The following DRC8 variants were observed in gnomAD, a reference collection of about 807,000 sequenced individuals.
DRC8 encodes dynein regulatory complex subunit 8.
At chr1:245,076,964 A>T in the DRC8 span, among the ~76,000 whole-genome samples, 15 of 152,160 alleles carry the variant, frequency 9.9e-5, no homozygotes, top group African/African-American at 3.6e-4. Context: ...TGACCTCGTG[A>T]TCCGCCCACC....
the DRC8 span, among the ~76,000 whole-genome samples, chr1:245,069,241 T>G: frequency 9.2e-5 from 14 of 152,268 alleles, no homozygotes; most frequent in African/African-American, 3.1e-4. Flanking sequence ...TTAACAAAGA[T>G]TTTGTATGTT....
the DRC8 span, among the ~76,000 whole-genome samples, chr1:245,016,347 AC>A: frequency 2.6e-5 from 4 of 152,044 alleles, no homozygotes; most frequent in African/African-American, 9.7e-5. Flanking sequence ...TTCTGCACTT[AC>A]TGTTCTCTCT....
chr1:245,090,832 G>A, the DRC8 span, among the ~76,000 whole-genome samples: 4 of 152,014 alleles, frequency 2.6e-5, no homozygotes, highest in African/African-American at 2.4e-5. Context: ...ATTATTAATA[G>A]GTCTCCTTTG....
the DRC8 span, among the ~76,000 whole-genome samples, chr1:245,058,722 A>C: frequency 6.6e-6 from 1 of 152,250 alleles, no homozygotes; most frequent in Non-Finnish European, 1.5e-5. Context: ...TATTTGTGGA[A>C]TTGAACTACG....
chr1:245,020,983 A>G, the DRC8 span, among the ~76,000 whole-genome samples: 1 of 152,022 alleles, frequency 6.6e-6, no homozygotes, highest in Admixed American at 6.6e-5. Context: ...AACAGATTGA[A>G]CGCAGAACTA....
At chr1:245,096,716 G>C in the DRC8 span, among the ~76,000 whole-genome samples, 1 of 152,244 alleles carries the variant, frequency 6.6e-6, no homozygotes. Flanking sequence ...GTTCACATTG[G>C]CAATTCTGCT....
chr1:245,044,707 C>T, the DRC8 span, among the ~76,000 whole-genome samples: 1 of 152,062 alleles, frequency 6.6e-6, no homozygotes, highest in Admixed American at 6.6e-5. Context: ...GGTGGGATTA[C>T]AGGCGCCTGC....
the DRC8 span, among the ~76,000 whole-genome samples, chr1:245,059,224 A>G: frequency 6.6e-6 from 1 of 152,184 alleles, no homozygotes; most frequent in Non-Finnish European, 1.5e-5. Context: ...TGGTTCACTT[A>G]TCCTCCTTTT....
At chr1:244,973,186 G>A in the DRC8 span, among the ~76,000 whole-genome samples, 17 of 151,860 alleles carry the variant, frequency 1.1e-4, no homozygotes, top group African/African-American at 4.1e-4. Flanking sequence ...CTTGAAGGCT[G>A]ATTTTGCCAA....
the DRC8 span, among the ~76,000 whole-genome samples, chr1:245,040,026 A>C: frequency 1.3e-5 from 2 of 152,194 alleles, no homozygotes; most frequent in African/African-American, 4.8e-5. Context: ...AAGACTGTGC[A>C]AATATTGATT....
the DRC8 span, chr1:245,082,112 T>G: frequency 6.2e-7 from 1 of 1,612,772 alleles, no homozygotes. Flanking sequence ...CTGGATACAT[T>G]CGATTCGAAA....
chr1:245,094,139 T>G, the DRC8 span, among the ~76,000 whole-genome samples: 1 of 152,122 alleles, frequency 6.6e-6, no homozygotes, highest in South Asian at 2.1e-4. Context: ...AGAATAGAGG[T>G]AAGTCTATTT....
At chr1:245,045,674 C>T in the DRC8 span, among the ~76,000 whole-genome samples, 1 of 152,088 alleles carries the variant, frequency 6.6e-6, no homozygotes, top group South Asian at 2.1e-4. Context: ...AGTTGGTTTT[C>T]GCAGCCAATC....
the DRC8 span, among the ~76,000 whole-genome samples, chr1:245,039,488 A>AG: frequency 1.2e-4 from 18 of 147,652 alleles, no homozygotes; most frequent in Admixed American, 2.0e-4. Context: ...AAAAAAAAAA[A>AG]AGAGTTTGTG....
chr1:245,082,464 AT>A, the DRC8 span, among the ~76,000 whole-genome samples: 1 of 152,170 alleles, frequency 6.6e-6, no homozygotes, highest in Non-Finnish European at 1.5e-5. Flanking sequence ...GAATCCTAAT[AT>A]TTTTCTAGCA....
chr1:245,014,753 T>C, the DRC8 span, among the ~76,000 whole-genome samples: 1 of 152,156 alleles, frequency 6.6e-6, no homozygotes, highest in Non-Finnish European at 1.5e-5. Flanking sequence ...AACTCTGTGA[T>C]CTTGGGCAAG....
the DRC8 span, among the ~76,000 whole-genome samples, chr1:245,116,076 C>T: frequency 3.3e-5 from 5 of 151,552 alleles, no homozygotes; most frequent in Admixed American, 6.6e-5. Context: ...TTAGTAGAGA[C>T]GGGGCTTTAC....
At chr1:245,050,195 G>A in the DRC8 span, among the ~76,000 whole-genome samples, 1 of 152,170 alleles carries the variant, frequency 6.6e-6, no homozygotes, top group African/African-American at 2.4e-5. Context: ...CCCATTGGGA[G>A]TGACTTTCTT....
At chr1:245,043,578 A>G in the DRC8 span, among the ~76,000 whole-genome samples, 1 of 152,206 alleles carries the variant, frequency 6.6e-6, no homozygotes, top group Non-Finnish European at 1.5e-5. Flanking sequence ...CATGAAATCG[A>G]TTTAAAAGGA....
Sources: gnomAD v4.1 joint callset for allele counts (sites outside exome capture counted in the v4.1 genomes callset) on GRCh38, gnomAD v4.1.1 for gene constraint, MANE v1.5 for transcripts, NCBI Gene and HGNC (gene_info 2026-07-23, HGNC 2026-07-21) for gene names.